The following CNTNAP5 variants were observed in gnomAD, a reference collection of about 807,000 sequenced individuals.
CNTNAP5 encodes the protein contactin associated protein family member 5, also known as contactin-associated protein-like 5.
Under a neutral mutation model 150.2 loss-of-function variants are expected in CNTNAP5, and 72 were observed. That is an observed-to-expected ratio of 0.48 (90% CI 0.40 to 0.58). CNTNAP5 has a LOEUF of 0.58. CNTNAP5 is among the 20% of genes least tolerant of loss of function. The probability of loss-of-function intolerance (pLI) is 0.00; values close to 1 mark genes in which losing one functional copy is unlikely to be tolerated. For synonymous variants in CNTNAP5, 672 were observed against 619.8 expected (o/e 1.08, Z -1.25); for missense variants, 1,636 against 1,626.2 (o/e 1.01, Z -0.10).
intron 3 of CNTNAP5, among the ~76,000 whole-genome samples, chr2:124,365,601 G>A (rs1280926698): frequency 6.6e-6 from 1 of 152,154 alleles, no homozygotes; most frequent in Non-Finnish European, 1.5e-5. Flanking sequence ...TTGGGAAGCA[G>A]AGCAAAAGAT....
chr2:124,263,982 G>T (rs1418144695), intron 3 of CNTNAP5, among the ~76,000 whole-genome samples: 1 of 152,020 alleles, frequency 6.6e-6, no homozygotes, highest in Non-Finnish European at 1.5e-5. Context: ...ATTTCTGAGG[G>T]TTCTGTTCTG....
chr2:124,295,534 G>A (rs1688405221), intron 3 of CNTNAP5, among the ~76,000 whole-genome samples: 1 of 152,264 alleles, frequency 6.6e-6, no homozygotes, highest in East Asian at 1.9e-4. Context: ...AGACAAAATT[G>A]AGTGTGGATC....
intron 19 of CNTNAP5, among the ~76,000 whole-genome samples, chr2:124,818,215 A>C (rs1219064928): frequency 6.6e-6 from 1 of 152,142 alleles, no homozygotes; most frequent in Admixed American, 6.5e-5. Context: ...TTTTAGCCTC[A>C]CTTGTCCCTC....
intron 1 of CNTNAP5, among the ~76,000 whole-genome samples, chr2:124,199,604 G>C (rs1195080376): frequency 6.6e-6 from 1 of 151,678 alleles, no homozygotes; most frequent in Non-Finnish European, 1.5e-5. Flanking sequence ...TAGTAGAGAC[G>C]GGGTTTCTCC....
intron 7 of CNTNAP5, among the ~76,000 whole-genome samples, chr2:124,503,057 G>C (rs1196737419): frequency 2.6e-5 from 4 of 152,182 alleles, no homozygotes; most frequent in African/African-American, 9.7e-5. Context: ...TATACTGTGG[G>C]TGATTGCTTG....
At chr2:124,662,471 A>G (rs755225339) in intron 13 of CNTNAP5, among the ~76,000 whole-genome samples, 6 of 152,246 alleles carry the variant, frequency 3.9e-5, no homozygotes, top group Non-Finnish European at 7.3e-5. Flanking sequence ...ATTCTGCAGC[A>G]CATGACTGTA....
chr2:124,541,915 A>G (rs773265521), intron 10 of CNTNAP5, among the ~76,000 whole-genome samples: 13 of 152,142 alleles, frequency 8.5e-5, no homozygotes, highest in Non-Finnish European at 1.6e-4. Context: ...TGCATTCTCC[A>G]TGTCATAGTG....
intron 17 of CNTNAP5, among the ~76,000 whole-genome samples, chr2:124,777,917 C>T: frequency 6.6e-6 from 1 of 151,868 alleles, no homozygotes; most frequent in Non-Finnish European, 1.5e-5. Context: ...TCAGACCTCA[C>T]AAAAACTCAA....
At chr2:124,507,726 AC>A (rs1694447567) in intron 8 of CNTNAP5, among the ~76,000 whole-genome samples, 8 of 152,320 alleles carry the variant, frequency 5.3e-5, no homozygotes, top group Admixed American at 5.2e-4. Flanking sequence ...GGTTTTCTCT[AC>A]AGATGCAAGT....
intron 7 of CNTNAP5, among the ~76,000 whole-genome samples, chr2:124,502,680 G>A (rs912948548): frequency 6.6e-6 from 1 of 152,188 alleles, no homozygotes; most frequent in African/African-American, 2.4e-5. Context: ...ACAATGAGTT[G>A]GCCATCATTG....
chr2:124,648,408 A>C (rs1678251249), intron 13 of CNTNAP5, among the ~76,000 whole-genome samples: 1 of 152,044 alleles, frequency 6.6e-6, no homozygotes, highest in African/African-American at 2.4e-5. Context: ...TGGATGCCTA[A>C]GGGGGCAGTG....
intron 19 of CNTNAP5, among the ~76,000 whole-genome samples, chr2:124,822,189 C>A (rs1236923148): frequency 6.6e-6 from 1 of 152,120 alleles, no homozygotes; most frequent in Non-Finnish European, 1.5e-5. Context: ...CTGCTCATTT[C>A]CCTGGCCAAT....
In CNTNAP5 at chr2:124,447,752, G is replaced by A. The variant is rs545036262; in HGVS notation, c.918+815G>A. ...AATTCAACCTTGAAAAATGGCAGAA[G>A]TTTTCTAGCAGGAGATGCTGCTAAG... On this transcript the variant is annotated intron_variant, in intron 6 of 23. Transcript: ENST00000682447. 1.1e-4 allele frequency among the ~76,000 whole-genome samples: 17 copies of A among 152,252 alleles called. No individual in the cohort carries two copies. The South Asian group carries it at 3.5e-3, about 32-fold the overall frequency.
At chr2:124,737,603 G>A (rs1680413515) in intron 13 of CNTNAP5, among the ~76,000 whole-genome samples, 1 of 152,182 alleles carries the variant, frequency 6.6e-6, no homozygotes, top group African/African-American at 2.4e-5. Flanking sequence ...TTTGTTTCTT[G>A]TTGCAATAGG....
chr2:124,093,760 A>G (rs1304796996), intron 1 of CNTNAP5, among the ~76,000 whole-genome samples: 1 of 152,256 alleles, frequency 6.6e-6, no homozygotes, highest in Non-Finnish European at 1.5e-5. Flanking sequence ...GAATAAGGAC[A>G]ACAATAATAA....
At chr2:124,410,293 C>T (rs1324171387) in intron 3 of CNTNAP5, among the ~76,000 whole-genome samples, 1 of 149,658 alleles carries the variant, frequency 6.7e-6, no homozygotes, top group Non-Finnish European at 1.5e-5. Context: ...GACTTTAACA[C>T]CCCACTGTCA....
chr2:124,839,382 C>G (rs1261372963), intron 19 of CNTNAP5, among the ~76,000 whole-genome samples: 1 of 151,926 alleles, frequency 6.6e-6, no homozygotes, highest in Non-Finnish European at 1.5e-5. Flanking sequence ...CTTAACGCCT[C>G]AATGCACACA....
At chr2:124,325,097 T>C (rs553892185) in intron 3 of CNTNAP5, among the ~76,000 whole-genome samples, 60 of 152,214 alleles carry the variant, frequency 3.9e-4, no homozygotes, top group Middle Eastern at 3.4e-3. Flanking sequence ...TTTTAAGAGG[T>C]AGGGCCTTTG....
intron 13 of CNTNAP5, among the ~76,000 whole-genome samples, chr2:124,720,891 T>C (rs996651613): frequency 3.3e-5 from 5 of 152,346 alleles, no homozygotes; most frequent in African/African-American, 1.2e-4. Flanking sequence ...ATATAATTTA[T>C]GGCCCCTTAA....
Sources: allele counts gnomAD v4.1 joint callset (sites outside exome capture counted in the v4.1 genomes callset), GRCh38; gene constraint gnomAD v4.1.1; transcripts MANE v1.5; gene names NCBI Gene and HGNC (gene_info 2026-07-23, HGNC 2026-07-21).